IRGM: variants seen among roughly 807,000 people sequenced by gnomAD.
The protein encoded by IRGM is immunity related GTPase M, also known as immunity-related GTPase family M protein.
For missense variants in IRGM, 288 were observed against 219.9 expected, an observed-to-expected ratio of 1.31 and a Z score of -1.96; for synonymous variants, 98 against 80.6, an observed-to-expected ratio of 1.22 and a Z score of -1.16.
intron 3 of IRGM, among the ~76,000 whole-genome samples, chr5:150,888,854 T>C (rs1754563287): frequency 6.6e-6 from 1 of 152,076 alleles, no homozygotes; most frequent in Non-Finnish European, 1.5e-5. Flanking sequence ...TTGTGTTAAA[T>C]CTATGGACGA....
chr5:150,885,995 G>A (rs1754516414), intron 3 of IRGM, among the ~76,000 whole-genome samples: 1 of 152,112 alleles, frequency 6.6e-6, no homozygotes, highest in Non-Finnish European at 1.5e-5. Flanking sequence ...AGTTTTCAAG[G>A]AAGATGTCTC....
At chr5:150,850,090 C>T (rs567102726), downstream of IRGM, among the ~76,000 whole-genome samples, 6 of 152,232 alleles carry the variant, frequency 3.9e-5, no homozygotes, top group South Asian at 1.2e-3. Flanking sequence ...ACCCAGTAGC[C>T]AGGCTGGTTT....
downstream of IRGM, among the ~76,000 whole-genome samples, chr5:150,850,896 T>C (rs1251984895): frequency 6.6e-6 from 1 of 152,190 alleles, no homozygotes; most frequent in East Asian, 1.9e-4. Context: ...GAAGGATTCT[T>C]GTACAGAGAT....
At chr5:150,871,065 A>T (rs1351250815) in intron 1 of IRGM, among the ~76,000 whole-genome samples, 1 of 152,182 alleles carries the variant, frequency 6.6e-6, no homozygotes, top group Non-Finnish European at 1.5e-5. Flanking sequence ...TTGACTACTT[A>T]AGGGGCTTTA....
chr5:150,876,378 C>A (rs967437324), intron 1 of IRGM, among the ~76,000 whole-genome samples: 3 of 152,188 alleles, frequency 2.0e-5, no homozygotes, highest in African/African-American at 7.2e-5. Context: ...TTATATTCTG[C>A]TGGCCTAGAG....
At chr5:150,890,938 T>C (rs950883805) in intron 3 of IRGM, among the ~76,000 whole-genome samples, 1 of 152,084 alleles carries the variant, frequency 6.6e-6, no homozygotes, top group African/African-American at 2.4e-5. Flanking sequence ...TCTACAAATG[T>C]CAACTAGGTC....
intron 1 of IRGM, among the ~76,000 whole-genome samples, chr5:150,872,658 G>T (rs1187562763): frequency 1.3e-5 from 2 of 152,176 alleles, no homozygotes; most frequent in African/African-American, 2.4e-5. Context: ...CCACTACACA[G>T]GGATTATGCA....
chr5:150,873,376 C>A (rs1394094085), intron 1 of IRGM, among the ~76,000 whole-genome samples: 1 of 152,150 alleles, frequency 6.6e-6, no homozygotes, highest in Non-Finnish European at 1.5e-5. Flanking sequence ...GAGGCCAGGT[C>A]CCCTTGAGGA....
At chr5:150,862,533 G>T (rs1754151098) in intron 1 of IRGM, among the ~76,000 whole-genome samples, 1 of 152,194 alleles carries the variant, frequency 6.6e-6, no homozygotes, top group Non-Finnish European at 1.5e-5. Flanking sequence ...GATTGTGGGG[G>T]AAGTGATATG....
At chr5:150,877,358 G>A (rs1195314439) in intron 1 of IRGM, among the ~76,000 whole-genome samples, 1 of 152,124 alleles carries the variant, frequency 6.6e-6, no homozygotes, top group Admixed American at 6.5e-5. Flanking sequence ...GCAGAAGAAC[G>A]TGGGAAGACT....
intron 3 of IRGM, among the ~76,000 whole-genome samples, chr5:150,888,217 C>T (rs1203499903): frequency 6.6e-6 from 1 of 151,832 alleles, no homozygotes; most frequent in Non-Finnish European, 1.5e-5. Context: ...TTTAGAAAGA[C>T]AAAGAAGGGC....
At chr5:150,896,104 T>C in intron 3 of IRGM, 3 of 1,613,518 alleles carry the variant, frequency 1.9e-6, no homozygotes, top group Non-Finnish European at 2.5e-6. Context: ...TCATAGGGTT[T>C]TTCCCCAGTA....
intron 1 of IRGM, among the ~76,000 whole-genome samples, chr5:150,854,432 C>CT (rs778532203): frequency 1.3e-5 from 2 of 152,012 alleles, no homozygotes; most frequent in African/African-American, 2.4e-5. Context: ...GTTCAAGTTA[C>CT]TGTCTATTGT....
At chr5:150,867,134 G>A (rs749659743) in intron 1 of IRGM, among the ~76,000 whole-genome samples, 1 of 152,072 alleles carries the variant, frequency 6.6e-6, no homozygotes. Flanking sequence ...AGTGTACACT[G>A]TACCCAATGT....
intron 1 of IRGM, chr5:150,877,865 CATTTT>C (rs1754386923): frequency 2.6e-6 from 1 of 384,326 alleles, no homozygotes; most frequent in Admixed American, 3.4e-5. Context: ...TCCTAGTTTG[CATTTT>C]TGCATAACTT....
chr5:150,863,120 A>G (rs548339643), intron 1 of IRGM, among the ~76,000 whole-genome samples: 1 of 152,342 alleles, frequency 6.6e-6, no homozygotes, highest in East Asian at 1.9e-4. Flanking sequence ...GGGTTGCACT[A>G]ATTTAGGGTT....
chr5:150,879,179 G>A (rs1343956088), intron 2 of IRGM, among the ~76,000 whole-genome samples: 3 of 152,096 alleles, frequency 2.0e-5, no homozygotes, highest in Non-Finnish European at 4.4e-5. Context: ...GAGTAAAAAG[G>A]GAAAGGTAAA....
intron 3 of IRGM, chr5:150,898,098 T>G: frequency 6.2e-7 from 1 of 1,613,622 alleles, no homozygotes; most frequent in African/African-American, 1.3e-5. Context: ...TCTGGATAGA[T>G]CCAATTTGAT....
chr5:150,885,175 A>T lies in IRGM; in HGVS notation c.*140+5529A>T, dbSNP rs535304588. 2.3e-3 allele frequency among the ~76,000 whole-genome samples: 348 copies of T among 152,164 alleles called. 1 individual carries two copies. The highest frequency in any genetic ancestry group is 7.9e-3 in the African/African-American group (328 of 41,540). On this transcript the variant is annotated intron_variant and NMD_transcript_variant, in intron 3 of 3. Transcript: ENST00000520549. ...ACCCAGCACCATTTATTGAATAGGG[A>T]GTCTTTTTCCCATTGCTTTTGTCAG...
Sources: gnomAD v4.1 joint callset for allele counts (sites outside exome capture counted in the v4.1 genomes callset) on GRCh38, gnomAD v4.1.1 for gene constraint, MANE v1.5 for transcripts, NCBI Gene and HGNC (gene_info 2026-07-23, HGNC 2026-07-21) for gene names.